The following LZTFL1 variants were observed in gnomAD, a reference collection of about 807,000 sequenced individuals.
The protein encoded by LZTFL1 is leucine zipper transcription factor like 1, also known as leucine zipper transcription factor-like protein 1.
Under a neutral mutation model 45.9 loss-of-function variants are expected in LZTFL1, and 25 were observed. The observed-to-expected ratio is 0.54, with a 90% CI of 0.40 to 0.76. The LOEUF (loss-of-function observed/expected upper bound fraction) is 0.76, where lower values mean the gene tolerates loss of function less well. Ranked by LOEUF, LZTFL1 falls within the 30% of genes least tolerant of loss-of-function variation. The pLI, the probability that LZTFL1 is intolerant of heterozygous loss-of-function variation, is 0.00. For missense variants in LZTFL1, 277 were observed against 331.1 expected, an observed-to-expected ratio of 0.84 and a Z score of 1.27; for synonymous variants, 93 against 117.4, an observed-to-expected ratio of 0.79 and a Z score of 1.35.
intron 2 of LZTFL1, among the ~76,000 whole-genome samples, chr3:45,884,885 G>A (rs1701938744): frequency 6.6e-6 from 1 of 152,206 alleles, no homozygotes; most frequent in African/African-American, 2.4e-5. Flanking sequence ...AGAGGGAGGA[G>A]TGAGATGCCA....
chr3:45,910,932 C>T (rs1702783497), intron 2 of LZTFL1, among the ~76,000 whole-genome samples: 1 of 152,136 alleles, frequency 6.6e-6, no homozygotes, highest in Non-Finnish European at 1.5e-5. Context: ...GCTGTGGCCA[C>T]TGGAAAGCTT....
chr3:45,873,738 A>G (rs770638241), intron 2 of LZTFL1, among the ~76,000 whole-genome samples: 25 of 152,094 alleles, frequency 1.6e-4, no homozygotes, highest in African/African-American at 5.6e-4. Context: ...ACCAAACTAA[A>G]CCAAACCAAA....
intron 2 of LZTFL1, among the ~76,000 whole-genome samples, chr3:45,891,027 G>A (rs2125743413): frequency 6.6e-6 from 1 of 152,346 alleles, no homozygotes; most frequent in African/African-American, 2.4e-5. Context: ...GGAAGATTAC[G>A]GGTGATTTTG....
At position 45,901,970 on chromosome 3, in the gene LZTFL1, G is replaced by C; in HGVS notation, c.-215+11150C>G. On this transcript the variant is annotated intron_variant, in intron 2 of 4. Coordinates refer to the LZTFL1 transcript ENST00000472635. This position sits in a 1 kb window ranked among gnomAD's most constrained non-coding sequence, Gnocchi z 4.3. ...ACAGAAACAGTTTCCCCACTGATGG[G>C]ACCAGAGAGAGTGAAAGAGAAAAGA... The C allele has an allele frequency of 1.6e-6, 2 of 1,236,202 alleles. No homozygotes were observed. The highest frequency in any genetic ancestry group is 2.0e-4 in the Middle Eastern group (1 of 4,946). 76.6% of individuals were successfully genotyped at this position (1,236,202 alleles called of 1,614,324 possible). A position where few individuals can be genotyped will look rare whatever the true frequency, so the allele number is the denominator to read the frequency against.
intron 2 of LZTFL1, chr3:45,903,065 A>G (rs1702607781): frequency 6.0e-6 from 1 of 167,110 alleles, no homozygotes; most frequent in South Asian, 2.1e-4. Flanking sequence ...AATATTTCAC[A>G]TATTGGAAAA....
intron 2 of LZTFL1, among the ~76,000 whole-genome samples, chr3:45,859,193 T>C (rs553609190): frequency 3.0e-4 from 45 of 152,346 alleles, no homozygotes; most frequent in African/African-American, 9.9e-4. Flanking sequence ...ATAATTTTCA[T>C]GTAATAATGA....
chr3:45,865,621 T>C (rs1701566327), intron 2 of LZTFL1, among the ~76,000 whole-genome samples: 2 of 152,262 alleles, frequency 1.3e-5, no homozygotes, highest in Admixed American at 1.3e-4. Flanking sequence ...TGGATTTTCT[T>C]TTTATAACAG....
chr3:45,883,723 G>A (rs988997573), intron 2 of LZTFL1: 10 of 568,964 alleles, frequency 1.8e-5, no homozygotes, highest in Non-Finnish European at 2.9e-5. Flanking sequence ...AAAGCTGAAA[G>A]TGCCAAAAGG....
intron 4 of LZTFL1, among the ~76,000 whole-genome samples, chr3:45,848,984 G>A (rs942722096): frequency 2.0e-5 from 3 of 152,148 alleles, no homozygotes; most frequent in African/African-American, 4.8e-5. Context: ...AACCAATGTT[G>A]TTCAGGTGCA....
chr3:45,883,763 C>T (rs1701908894), intron 2 of LZTFL1: 1 of 561,894 alleles, frequency 1.8e-6, no homozygotes, highest in Non-Finnish European at 3.3e-6. Flanking sequence ...GCAATGCATC[C>T]CCATGAACAC....
chr3:45,873,259 A>G (rs1055132679), intron 2 of LZTFL1, among the ~76,000 whole-genome samples: 4 of 152,210 alleles, frequency 2.6e-5, no homozygotes, highest in African/African-American at 9.6e-5. Flanking sequence ...CTGCATTTCC[A>G]ACAAGCTCCT....
rs766947395 is a variant in LZTFL1, at chr3:45,901,308, G to A, written c.-215+11812C>T. 1.2e-6 allele frequency: 2 copies of A among 1,614,176 alleles called. No homozygotes were observed. The highest frequency in any genetic ancestry group is 1.7e-6 in the Non-Finnish European group (2 of 1,180,034). On this transcript the variant is annotated intron_variant, in intron 2 of 4. Transcript: ENST00000472635. The surrounding 1 kb of genome is among the most constrained non-coding windows in gnomAD (Gnocchi z 4.3). ...CAAAATGGTTTGCTTTACCATCTGGGTATTGGCAGCTGCTCTCTGCATCCC... is the reference window on the plus strand; with the variant it reads ...CAAAATGGTTTGCTTTACCATCTGGATATTGGCAGCTGCTCTCTGCATCCC...
intron 2 of LZTFL1, among the ~76,000 whole-genome samples, chr3:45,876,194 G>T (rs1314156696): frequency 6.6e-6 from 1 of 152,126 alleles, no homozygotes; most frequent in East Asian, 1.9e-4. Context: ...TGACGCTCAG[G>T]GACATAGGAC....
At chr3:45,866,945 C>T (rs190773555) in intron 2 of LZTFL1, among the ~76,000 whole-genome samples, 6 of 152,026 alleles carry the variant, frequency 3.9e-5, no homozygotes, top group Non-Finnish European at 7.4e-5. Context: ...GTCAGGAGTT[C>T]GAGACCAGCC....
chr3:45,843,137 CA>C (rs2125696306), upstream of LZTFL1, among the ~76,000 whole-genome samples: 1 of 152,366 alleles, frequency 6.6e-6, no homozygotes, highest in African/African-American at 2.4e-5. Context: ...CTTGGCACTG[CA>C]ATGGCATTTG....
rs1448374580 is a variant in LZTFL1 at position 45,824,966 on chromosome 3, G to C, written c.*1348C>G. On this transcript the variant is annotated 3_prime_UTR_variant, in exon 10 of 10. Coordinates refer to ENST00000296135, the MANE Select transcript of LZTFL1 (RefSeq NM_020347.4). ...TTCTCTCATCCATTCATCTTCTTAA[G>C]ACTGCCTTCTGTGTCCTTTTGCAGG... 2.5e-6 allele frequency: 1 copy of C among 398,192 alleles called. No individual in the cohort carries two copies. The highest frequency in any genetic ancestry group is 4.4e-6 in the Non-Finnish European group (1 of 225,794). The allele number at this position is 398,192 out of a possible 1,614,324, so 24.7% of individuals were successfully genotyped here. A position where few individuals can be genotyped will look rare whatever the true frequency, so the allele number is the denominator to read the frequency against.
chr3:45,838,315 G>T (rs1305389891), intron 1 of LZTFL1, among the ~76,000 whole-genome samples: 1 of 152,096 alleles, frequency 6.6e-6, no homozygotes. Context: ...GTGTACCTCT[G>T]CCCCTCCCTG....
chr3:45,901,046 C>A lies in LZTFL1; in HGVS notation c.-215+12074G>T, dbSNP rs149507815. On this transcript the variant is annotated intron_variant, in intron 2 of 4. Transcript: ENST00000472635. The surrounding 1 kb of genome is among the most constrained non-coding windows in gnomAD (Gnocchi z 4.3). The stretch of plus-strand genomic sequence containing the variant: ...GAGTGAAGACCATGACCGACATGTT[C>A]CTTTTGAATTTGGCAATTGCTGACC... 83 of 1,614,198 alleles carry A rather than the reference C, an allele frequency of 5.1e-5. No homozygotes were observed. The African/African-American group carries it at 1.0e-3, about 20-fold the overall frequency.
chr3:45,851,038 C>A (rs1701298873), intron 4 of LZTFL1, among the ~76,000 whole-genome samples: 1 of 152,134 alleles, frequency 6.6e-6, no homozygotes, highest in South Asian at 2.1e-4. Context: ...CAGAAACCTT[C>A]AGCTCCAATT....
Sources: allele counts gnomAD v4.1 joint callset (sites outside exome capture counted in the v4.1 genomes callset), GRCh38; gene constraint gnomAD v4.1.1; non-coding constraint Gnocchi (gnomAD v3.1); transcripts MANE v1.5; gene names NCBI Gene and HGNC (gene_info 2026-07-23, HGNC 2026-07-21).